The following RAB38 variants were observed in gnomAD, a reference collection of about 807,000 sequenced individuals.
The protein encoded by RAB38 is RAB38, member RAS oncogene family, also known as ras-related protein Rab-38.
Under a neutral mutation model 18.4 loss-of-function variants are expected in RAB38, and 15 were observed. That is an observed-to-expected ratio of 0.82 (90% CI 0.55 to 1.26). The LOEUF is 1.26. Among genes scored for constraint, RAB38 ranks in the 50% most tolerant of loss-of-function variants. RAB38 has a pLI of 0.00. For missense variants in RAB38, 294 were observed against 267.4 expected, an observed-to-expected ratio of 1.10 and a Z score of -0.69; for synonymous variants, 101 against 104.4, an observed-to-expected ratio of 0.97 and a Z score of 0.20.
At chr11:87,823,979 G>T in the RAB38 span, among the ~76,000 whole-genome samples, 5 of 152,150 alleles carry the variant, frequency 3.3e-5, no homozygotes, top group Admixed American at 6.5e-5. Flanking sequence ...AACAGCTCAT[G>T]AAATTAAAGG....
At chr11:87,875,550 A>G in the RAB38 span, among the ~76,000 whole-genome samples, 4 of 151,630 alleles carry the variant, frequency 2.6e-5, no homozygotes, top group East Asian at 3.9e-4. Context: ...AGTGAAATCT[A>G]TAGGTCAATT....
the RAB38 span, among the ~76,000 whole-genome samples, chr11:88,017,103 T>C: frequency 6.6e-6 from 1 of 151,892 alleles, no homozygotes; most frequent in Non-Finnish European, 1.5e-5. Flanking sequence ...AGCAGCAGCT[T>C]GGTAGGTGAG....
At chr11:88,005,886 C>T in the RAB38 span, among the ~76,000 whole-genome samples, 1 of 151,506 alleles carries the variant, frequency 6.6e-6, no homozygotes, top group South Asian at 2.1e-4. Context: ...TACTTGACAT[C>T]TTTGTTGTAT....
chr11:88,009,792 A>G, the RAB38 span, among the ~76,000 whole-genome samples: 6 of 152,170 alleles, frequency 3.9e-5, no homozygotes, highest in Middle Eastern at 3.2e-3. Flanking sequence ...CACATTTTGG[A>G]CTATAATAGA....
chr11:88,011,816 A>T, the RAB38 span, among the ~76,000 whole-genome samples: 1 of 152,216 alleles, frequency 6.6e-6, no homozygotes, highest in Admixed American at 6.5e-5. Context: ...GTCAGACAGT[A>T]GGTAAGCAGC....
the RAB38 span, among the ~76,000 whole-genome samples, chr11:88,037,943 A>G: frequency 0.049 from 7,481 of 152,274 alleles, 206 homozygotes; most frequent in Middle Eastern, 0.11. Flanking sequence ...AAACAATCAT[A>G]AAGATATATA....
chr11:87,809,621 CAA>C, the RAB38 span, among the ~76,000 whole-genome samples: 1 of 151,812 alleles, frequency 6.6e-6, no homozygotes, highest in African/African-American at 2.4e-5. Flanking sequence ...TCCTGAATCT[CAA>C]AGACAGTAGT....
chr11:87,914,673 G>A, the RAB38 span, among the ~76,000 whole-genome samples: 2 of 152,162 alleles, frequency 1.3e-5, no homozygotes, highest in Non-Finnish European at 2.9e-5. Flanking sequence ...TGAAAACACT[G>A]AGAAAAAGGC....
At chr11:87,939,379 T>TACACACACACACACACACAC in the RAB38 span, among the ~76,000 whole-genome samples, 2 of 146,296 alleles carry the variant, frequency 1.4e-5, no homozygotes, top group African/African-American at 5.0e-5. Context: ...CACACATACA[T>TACACACACACACACACACAC]ACACACACAC....
At chr11:87,861,176 G>T in the RAB38 span, among the ~76,000 whole-genome samples, 272 of 151,970 alleles carry the variant, frequency 1.8e-3, 1 homozygote, top group African/African-American at 6.2e-3. Flanking sequence ...ATGGAAAAAG[G>T]CCATCTTATT....
the RAB38 span, among the ~76,000 whole-genome samples, chr11:88,011,084 C>G: frequency 6.6e-6 from 1 of 152,272 alleles, no homozygotes; most frequent in South Asian, 2.1e-4. Context: ...GAGGCTATTC[C>G]AGATGGGTAT....
chr11:88,122,628 T>G (rs568234029), intron 2 of RAB38, among the ~76,000 whole-genome samples: 6 of 152,150 alleles, frequency 3.9e-5, no homozygotes, highest in African/African-American at 1.4e-4. Flanking sequence ...CCCTGAGAGG[T>G]GGATAAACTA....
At chr11:88,028,986 C>T in the RAB38 span, among the ~76,000 whole-genome samples, 3 of 152,196 alleles carry the variant, frequency 2.0e-5, no homozygotes, top group Non-Finnish European at 2.9e-5. Context: ...AGAGAAAGGT[C>T]GGGTTACCCT....
chr11:88,174,794 C>T (rs1343942136), intron 1 of RAB38, among the ~76,000 whole-genome samples: 1 of 152,228 alleles, frequency 6.6e-6, no homozygotes, highest in East Asian at 1.9e-4. Flanking sequence ...AGGGGCTTCC[C>T]CTCGGTCCGC....
chr11:87,956,421 C>T, the RAB38 span, among the ~76,000 whole-genome samples: 9 of 152,152 alleles, frequency 5.9e-5, no homozygotes, highest in Non-Finnish European at 1.2e-4. Context: ...CTTGGGTCCT[C>T]GCCTCTTCAC....
At chr11:87,947,717 G>A in the RAB38 span, among the ~76,000 whole-genome samples, 1 of 152,134 alleles carries the variant, frequency 6.6e-6, no homozygotes, top group Non-Finnish European at 1.5e-5. Flanking sequence ...GGTATTATTT[G>A]AGGGCTCTGT....
At chr11:88,027,987 G>GCAGA in the RAB38 span, among the ~76,000 whole-genome samples, 2 of 152,312 alleles carry the variant, frequency 1.3e-5, no homozygotes, top group South Asian at 4.1e-4. Context: ...CCCAGCAGGG[G>GCAGA]CAGACTGACA....
the RAB38 span, among the ~76,000 whole-genome samples, chr11:88,056,828 AATAAATACATAC>A: frequency 1.3e-5 from 2 of 148,660 alleles, no homozygotes; most frequent in Admixed American, 6.6e-5. Context: ...TAAATAAATA[AATAAATACATAC>A]ATACATACAT....
intron 1 of RAB38, among the ~76,000 whole-genome samples, chr11:88,157,758 A>T (rs1234731292): frequency 6.6e-6 from 1 of 152,300 alleles, no homozygotes; most frequent in East Asian, 1.9e-4. Flanking sequence ...ACAATAAAAT[A>T]AAGGATAATT....
Sources: allele counts gnomAD v4.1 joint callset (sites outside exome capture counted in the v4.1 genomes callset), GRCh38; gene constraint gnomAD v4.1.1; transcripts MANE v1.5; gene names NCBI Gene and HGNC (gene_info 2026-07-23, HGNC 2026-07-21).